The following PRDM15 variants were observed in gnomAD, a reference collection of about 807,000 sequenced individuals.
PRDM15 encodes the protein PR/SET domain 15.
PRDM15 carries 64 observed loss-of-function variants against 128.6 expected under a neutral mutation model. That is an observed-to-expected ratio of 0.50 (90% CI 0.41 to 0.61). The LOEUF is 0.61. PRDM15 is among the 20% of genes least tolerant of loss of function. PRDM15 has a pLI of 0.00. For missense variants in PRDM15, 1,242 were observed against 1,569.1 expected (o/e 0.79, Z 3.52); for synonymous variants, 615 against 621.8 (o/e 0.99, Z 0.16).
chr21:41,859,096 C>A lies in PRDM15; in HGVS notation c.131+496G>T. The A allele has an allele frequency of 6.3e-7, 1 of 1,593,806 alleles. No individual in the cohort carries two copies. Among genetic ancestry groups the A allele is most frequent in the South Asian group, 1.1e-5 (1 of 88,040 alleles). ...GGGTGGAACGGCAGGGCAGCTGCTG[C>A]CCACTGAGCCGCCTCACCAGGCCTG... On this transcript the variant is annotated intron_variant, in intron 3 of 23. Coordinates refer to ENST00000398548, the MANE Select transcript of PRDM15 (RefSeq NM_001040424.3). The surrounding 1 kb of genome is among the most constrained non-coding windows in gnomAD (Gnocchi z 5.3).
intron 21 of PRDM15, among the ~76,000 whole-genome samples, chr21:41,806,087 C>T (rs965581693): frequency 0.15 from 635 of 4,336 alleles, no homozygotes; most frequent in Admixed American, 0.2. Flanking sequence ...ATCACCACCA[C>T]CACCATCACC....
At chr21:41,829,166 A>G (rs1686660294) in intron 11 of PRDM15, among the ~76,000 whole-genome samples, 1 of 147,180 alleles carries the variant, frequency 6.8e-6, no homozygotes, top group Non-Finnish European at 1.5e-5. Context: ...CAAATACACA[A>G]TCACACACAC....
At chr21:41,849,127 A>C (rs1568980873) in intron 5 of PRDM15, among the ~76,000 whole-genome samples, 1 of 152,216 alleles carries the variant, frequency 6.6e-6, no homozygotes, top group South Asian at 2.1e-4. Flanking sequence ...AACAAACAAA[A>C]AAGGAACAGC....
Position 41,862,478 on chromosome 21 carries a change from G to A in PRDM15, c.-9-2106C>T, listed in dbSNP as rs555358721. ...CCCCCAAAAAAGGTCCCCTCTGAGC[G>A]GAGCTGCTGGGAGAGGAAACCCAGA... On this transcript the variant is annotated intron_variant, in intron 1 of 23. Transcript: ENST00000398548. The surrounding 1 kb of genome is among the most constrained non-coding windows in gnomAD (Gnocchi z 4.1). Among the ~76,000 whole-genome samples, 4 of 152,256 alleles carry A rather than the reference G, an allele frequency of 2.6e-5. No individual in the cohort carries two copies. The East Asian group carries it at 7.7e-4, about 29-fold the overall frequency.
intron 19 of PRDM15, chr21:41,812,855 C>A (rs2061909148): frequency 6.6e-6 from 1 of 152,306 alleles, no homozygotes; most frequent in African/African-American, 2.4e-5. Context: ...GTTTGTTTCA[C>A]CAGCCCAGAC....
At chr21:41,823,474 A>T (rs1424972308) in intron 13 of PRDM15, 25 bp from the exon 14 acceptor site, 2 of 1,545,184 alleles carry the variant, frequency 1.3e-6, no homozygotes, top group East Asian at 2.4e-5. Flanking sequence ...CCGCATGGTG[A>T]GGGGCTGCGG....
intron 5 of PRDM15, among the ~76,000 whole-genome samples, chr21:41,848,449 C>A (rs1227857753): frequency 6.6e-6 from 1 of 152,172 alleles, no homozygotes; most frequent in Non-Finnish European, 1.5e-5. Context: ...TTCTGGGACA[C>A]CCCATCCCCA....
intron 5 of PRDM15, among the ~76,000 whole-genome samples, chr21:41,851,972 G>C (rs1289370935): frequency 4.6e-5 from 7 of 152,182 alleles, no homozygotes; most frequent in African/African-American, 1.7e-4. Context: ...AGACTGTCCT[G>C]GTAGAATTAT....
chr21:41,861,490 T>G (rs1230080045), intron 1 of PRDM15: 35 of 1,308,160 alleles, frequency 2.7e-5, no homozygotes, highest in Non-Finnish European at 2.2e-5. Context: ...GAGCATAAAG[T>G]GAGATACACA....
intron 23 of PRDM15, among the ~76,000 whole-genome samples, chr21:41,802,196 A>G (rs1299430645): frequency 6.6e-6 from 1 of 152,342 alleles, no homozygotes; most frequent in African/African-American, 2.4e-5. Flanking sequence ...CCCCCAAAAC[A>G]AGAGAGAGAA....
At chr21:41,858,547 C>T (rs4920061) in intron 3 of PRDM15, among the ~76,000 whole-genome samples, 37,939 of 142,830 alleles carry the variant, frequency 0.27, 2,862 homozygotes, top group South Asian at 0.29. Flanking sequence ...GTGCCCAGAG[C>T]ACAGGCCTCT....
At chr21:41,842,858 C>A (rs895324573) in intron 6 of PRDM15, among the ~76,000 whole-genome samples, 2 of 150,170 alleles carry the variant, frequency 1.3e-5, no homozygotes, top group African/African-American at 4.9e-5. Context: ...AATCTCGGCT[C>A]ACTACAACCC....
intron 6 of PRDM15, among the ~76,000 whole-genome samples, chr21:41,843,950 T>TTAAA (rs1555883670): frequency 2.2e-4 from 27 of 123,232 alleles, no homozygotes; most frequent in East Asian, 4.6e-4. Flanking sequence ...CCTTGTATTG[T>TTAAA]AAAAAAAAAA....
rs146647341 is a variant in PRDM15 at position 41,815,763 on chromosome 21, C to G, written c.2334G>C (p.Glu778Asp). 1.0e-4 allele frequency: 161 copies of G among 1,614,004 alleles called. No homozygotes were observed. The African/African-American group carries it at 2.0e-3, about 20-fold the overall frequency. The change falls in exon 19 of 24, where the codon GAG (glutamate) becomes GAC (aspartate). Residue 778 changes from glutamate to aspartate, a missense_variant. Glu to Asp is a conservative substitution (Grantham distance 45). Coordinates refer to ENST00000398548, the MANE Select transcript of PRDM15 (RefSeq NM_001040424.3). ...CCTTCTGCGCGAACCTGCGGTGGCA[C>G]TCCTTGCACTCGTACTCCTTGATGC... Reference protein sequence around the residue: ...HKGIKEYECKECHRRFAQKVN... With the variant: ...HKGIKEYECKDCHRRFAQKVN...
intron 19 of PRDM15, chr21:41,812,386 C>G (rs2061893323): frequency 6.6e-6 from 1 of 152,198 alleles, no homozygotes; most frequent in Non-Finnish European, 1.5e-5. Flanking sequence ...CGTGACATTC[C>G]CAGGATCAGG....
At chr21:41,819,534 AGGGTGGCCTGGCTGAGCCT>A in intron 18 of PRDM15, 29 bp downstream of exon 18, 1 of 1,336,994 alleles carries the variant, frequency 7.5e-7, no homozygotes. Context: ...ACCCTGCAGC[AGGGTGGCCTGGCTGAGCCT>A]GGCCCATGTC....
chr21:41,804,338 GA>G (rs1233381939), intron 22 of PRDM15, among the ~76,000 whole-genome samples, 195 bp downstream of exon 22: 1 of 152,182 alleles, frequency 6.6e-6, no homozygotes, highest in East Asian at 1.9e-4. Context: ...TCAACAAACT[GA>G]GGTCACAGAA....
chr21:41,834,122 G>A (rs17113965), intron 11 of PRDM15, among the ~76,000 whole-genome samples: 10,534 of 152,206 alleles, frequency 0.069, 578 homozygotes, highest in East Asian at 0.24. Flanking sequence ...AGCTTCTGGA[G>A]GCCACCTCAT....
intron 21 of PRDM15, among the ~76,000 whole-genome samples, chr21:41,806,037 C>G (rs1055422409): frequency 8.0e-6 from 1 of 125,110 alleles, no homozygotes; most frequent in African/African-American, 3.0e-5. Context: ...CCACCATCAC[C>G]ACCACCATCA....
Sources: allele counts gnomAD v4.1 joint callset (sites outside exome capture counted in the v4.1 genomes callset), GRCh38; gene constraint gnomAD v4.1.1; non-coding constraint Gnocchi (gnomAD v3.1); transcripts MANE v1.5; gene names NCBI Gene and HGNC (gene_info 2026-07-23, HGNC 2026-07-21).